The following FGF14 variants were observed in gnomAD, a reference collection of about 807,000 sequenced individuals.
FGF14 encodes fibroblast growth factor homologous factor 4.
FGF14 carries 5 observed loss-of-function variants against 25.5 expected under a neutral mutation model. That is an observed-to-expected ratio of 0.20 (90% CI 0.10 to 0.41). The LOEUF (loss-of-function observed/expected upper bound fraction) is 0.41, where lower values mean the gene tolerates loss of function less well. FGF14 is among the 10% of genes least tolerant of loss of function. The pLI is 1.00. For synonymous variants in FGF14, 138 were observed against 118.3 expected (o/e 1.17, Z -1.08); for missense variants, 222 against 320.1 (o/e 0.69, Z 2.34).
intron 1 of FGF14, among the ~76,000 whole-genome samples, chr13:102,345,001 C>T (rs940259977): frequency 1.3e-5 from 2 of 152,156 alleles, no homozygotes; most frequent in African/African-American, 2.4e-5. Context: ...GCTCACTCTC[C>T]TAAGACAGGA....
At chr13:102,174,769 C>T (rs925760144) in intron 1 of FGF14, among the ~76,000 whole-genome samples, 1 of 151,998 alleles carries the variant, frequency 6.6e-6, no homozygotes, top group Non-Finnish European at 1.5e-5. Flanking sequence ...CTGTGGACTA[C>T]TAGAGGGTGA....
chr13:101,911,369 A>G (rs1239631189), intron 1 of FGF14, among the ~76,000 whole-genome samples: 4 of 152,194 alleles, frequency 2.6e-5, no homozygotes, highest in African/African-American at 9.6e-5. Flanking sequence ...ACAGTTGGCC[A>G]TAGATTATTA....
At chr13:102,221,947 A>G (rs551251464) in intron 1 of FGF14, among the ~76,000 whole-genome samples, 3 of 152,322 alleles carry the variant, frequency 2.0e-5, no homozygotes, top group South Asian at 2.1e-4. Flanking sequence ...TTCTGTAGAC[A>G]CTAGAAATTC....
rs184307662 is a variant in FGF14, at chr13:102,273,545, A to C, written c.208+127926T>G. Among the ~76,000 whole-genome samples, 16 of 152,350 alleles carry C rather than the reference A, an allele frequency of 1.1e-4. No homozygotes were observed. The East Asian group carries it at 1.7e-3, about 17-fold the overall frequency. On this transcript the variant is annotated intron_variant, in intron 1 of 4. Transcript: ENST00000376131. ...TGATCTAAAGAAGAATGAAGTAAAA[A>C]ATAGTTACATTTTCAAACTTAATTT...
chr13:101,883,600 A>G (rs890804557), intron 1 of FGF14, among the ~76,000 whole-genome samples: 2 of 149,194 alleles, frequency 1.3e-5, no homozygotes, highest in African/African-American at 4.9e-5. Flanking sequence ...ATAAACAGAA[A>G]GGTAATATCC....
At chr13:102,297,175 T>C (rs1295728706) in intron 1 of FGF14, among the ~76,000 whole-genome samples, 1 of 152,110 alleles carries the variant, frequency 6.6e-6, no homozygotes, top group African/African-American at 2.4e-5. Context: ...CCAGAACCCA[T>C]AATACTCTTC....
intron 3 of FGF14, among the ~76,000 whole-genome samples, chr13:101,794,414 A>G (rs2040407474): frequency 6.6e-6 from 1 of 152,116 alleles, no homozygotes; most frequent in African/African-American, 2.4e-5. Flanking sequence ...GAAGGGACTG[A>G]GATAAATACC....
chr13:102,360,399 G>A (rs2057532444), intron 1 of FGF14, among the ~76,000 whole-genome samples: 1 of 152,144 alleles, frequency 6.6e-6, no homozygotes, highest in African/African-American at 2.4e-5. Flanking sequence ...CAAGCATGTT[G>A]ATCTAGATGG....
chr13:101,809,976 G>C (rs957953287), intron 3 of FGF14, among the ~76,000 whole-genome samples: 1 of 152,222 alleles, frequency 6.6e-6, no homozygotes, highest in East Asian at 1.9e-4. Flanking sequence ...AACTACTTAA[G>C]ATCTTGAAAA....
chr13:102,303,238 A>T (rs2055171040), intron 1 of FGF14, among the ~76,000 whole-genome samples: 1 of 152,182 alleles, frequency 6.6e-6, no homozygotes, highest in Admixed American at 6.6e-5. Context: ...GGCAAATGTC[A>T]GTGAGGATTT....
At chr13:101,810,757 T>C (rs2041458771) in intron 3 of FGF14, among the ~76,000 whole-genome samples, 1 of 152,188 alleles carries the variant, frequency 6.6e-6, no homozygotes, top group Admixed American at 6.5e-5. Flanking sequence ...CAGGAAGGCC[T>C]TTATTTAGTT....
chr13:102,266,616 G>T (rs1412011550), intron 1 of FGF14, among the ~76,000 whole-genome samples: 3 of 151,958 alleles, frequency 2.0e-5, no homozygotes, highest in African/African-American at 7.2e-5. Flanking sequence ...AGAATATAAA[G>T]AAAACATGCA....
chr13:101,912,322 A>G (rs1459956369), intron 1 of FGF14, among the ~76,000 whole-genome samples: 1 of 152,198 alleles, frequency 6.6e-6, no homozygotes, highest in African/African-American at 2.4e-5. Context: ...ACATAATACC[A>G]TAGCTCTCAT....
Position 101,968,466 on chromosome 13 carries a change from G to A in FGF14, c.209-93170C>T, listed in dbSNP as rs139240238. ...AGGCAGGCGGATCATGAGGTCAGGAGATCGAGACCATCCTGACTAACATGG... is the reference window on the plus strand; with the variant it reads ...AGGCAGGCGGATCATGAGGTCAGGAAATCGAGACCATCCTGACTAACATGG... On this transcript the variant is annotated intron_variant, in intron 1 of 4. Coordinates refer to the FGF14 transcript ENST00000376131. 8.2e-3 allele frequency among the ~76,000 whole-genome samples: 1,243 copies of A among 152,142 alleles called. 14 individuals carry two copies. The highest frequency in any genetic ancestry group is 0.028 in the African/African-American group (1,156 of 41,512).
chr13:101,804,971 T>C (rs894390092), intron 3 of FGF14, among the ~76,000 whole-genome samples: 1 of 152,202 alleles, frequency 6.6e-6, no homozygotes, highest in Non-Finnish European at 1.5e-5. Flanking sequence ...CCTTGTTGTA[T>C]GGATATGCTT....
Position 102,169,119 on chromosome 13 carries a change from T to C in FGF14, c.208+232352A>G, listed in dbSNP as rs541620155. Reference sequence around the variant, plus strand: ...GATATATGAAGCTTTGTAAGATTCGTAAGCTTTAGGCAACTAGATTACACT... The same window carrying C: ...GATATATGAAGCTTTGTAAGATTCGCAAGCTTTAGGCAACTAGATTACACT... On this transcript the variant is annotated intron_variant, in intron 1 of 4. Coordinates refer to the FGF14 transcript ENST00000376131. 2.6e-5 allele frequency among the ~76,000 whole-genome samples: 4 copies of C among 151,226 alleles called. No homozygotes were observed. The South Asian group carries it at 8.4e-4, about 32-fold the overall frequency.
At chr13:101,872,104 C>T (rs1215948405) in intron 2 of FGF14, among the ~76,000 whole-genome samples, 1 of 151,624 alleles carries the variant, frequency 6.6e-6, no homozygotes, top group Admixed American at 6.6e-5. Context: ...ATGTATTGAA[C>T]TCAATTCATG....
intron 4 of FGF14, among the ~76,000 whole-genome samples, chr13:101,724,783 C>T (rs1477593003): frequency 2.0e-5 from 3 of 151,046 alleles, no homozygotes; most frequent in African/African-American, 4.8e-5. Context: ...TAATCTCTGT[C>T]GTTATAGTAC....
At chr13:102,002,638 T>C (rs2039559382) in intron 1 of FGF14, 1 of 154,560 alleles carries the variant, frequency 6.5e-6, no homozygotes, top group African/African-American at 2.4e-5. Context: ...TAAGATTAGC[T>C]AGATGACTGT....
Sources: gnomAD v4.1 joint callset for allele counts (sites outside exome capture counted in the v4.1 genomes callset) on GRCh38, gnomAD v4.1.1 for gene constraint, MANE v1.5 for transcripts, NCBI Gene and HGNC (gene_info 2026-07-23, HGNC 2026-07-21) for gene names.